The following PTPN22 variants were observed in gnomAD, a reference collection of about 807,000 sequenced individuals.
PTPN22 encodes protein tyrosine phosphatase non-receptor type 22.
A neutral mutation model predicts 103.3 loss-of-function variants in PTPN22; 85 were observed. The ratio of observed to expected loss-of-function variants is 0.82; its 90% CI spans 0.69 to 0.99. PTPN22 has a LOEUF of 0.99. Ranked by LOEUF, PTPN22 falls within the 50% of genes least tolerant of loss-of-function variation. The pLI is 0.00. For missense variants in PTPN22, 865 were observed against 936.9 expected (o/e 0.92, Z 1.00); for synonymous variants, 323 against 310.2 (o/e 1.04, Z -0.43).
chr1:113,871,191 TA>T lies in PTPN22; in HGVS notation c.87+345del, dbSNP rs1481329120. 2.6e-5 allele frequency among the ~76,000 whole-genome samples: 4 copies of T among 152,320 alleles called. No homozygotes were observed. The East Asian group carries it at 7.7e-4, about 29-fold the overall frequency. ...TGGTCTCTTTCTTCTTAATATTAAT[TA>T]AAATTAGTAATATAAAGCATAAACC... On this transcript the variant is annotated intron_variant, in intron 1 of 20. Coordinates refer to ENST00000359785, the Ensembl canonical transcript of PTPN22.
At chr1:113,823,545 G>A (rs1024702117) in intron 19 of PTPN22, 3 of 152,160 alleles carry the variant, frequency 2.0e-5, no homozygotes, top group Admixed American at 2.0e-4. Context: ...GAATGAACTG[G>A]GAGCTCTTAC....
intron 14 of PTPN22, 25 bp from the exon 15 acceptor site, chr1:113,834,464 G>A: frequency 1.3e-6 from 2 of 1,599,408 alleles, no homozygotes; most frequent in Non-Finnish European, 8.6e-7. Context: ...ATATAGTTCG[G>A]TTCTTAAGAA....
In PTPN22 at chr1:113,854,503, T is replaced by C; in HGVS notation, c.718A>G (p.Ile240Val). 1.9e-6 allele frequency: 3 copies of C among 1,613,990 alleles called. No homozygotes were observed. The highest frequency in any genetic ancestry group is 1.6e-4 in the Middle Eastern group (1 of 6,062). ...TTTAGCAACATCCATGTATAATCAA[T>C]AGCACAAATAACACCAGTCCTTCCA... The change falls in exon 9 of 21, where the codon ATT (isoleucine) becomes GTT (valine). Residue 240 changes from isoleucine to valine, a missense_variant. Physicochemically the swap from Ile to Val is conservative, Grantham distance 29. Transcript: ENST00000359785.
intron 1 of PTPN22, among the ~76,000 whole-genome samples, chr1:113,867,656 T>A (rs1666227501): frequency 6.6e-6 from 1 of 152,196 alleles, no homozygotes; most frequent in East Asian, 1.9e-4. Flanking sequence ...ATTCCTAGCA[T>A]CTAGGGCATT....
intron 11 of PTPN22, among the ~76,000 whole-genome samples, chr1:113,839,112 T>C (rs978492568): frequency 6.6e-6 from 1 of 152,166 alleles, no homozygotes; most frequent in Non-Finnish European, 1.5e-5. Flanking sequence ...CTGATTAATA[T>C]ATTTTTGCTC....
chr1:113,853,859 CTTTTTTT>C (rs894010114), intron 9 of PTPN22, among the ~76,000 whole-genome samples: 30 of 67,168 alleles, frequency 4.5e-4, no homozygotes, highest in Admixed American at 8.7e-4. Flanking sequence ...TTTTTTTTTG[CTTTTTTT>C]TTTTTTTTTT....
chr1:113,850,475 GTA>G (rs1051673953), intron 10 of PTPN22, among the ~76,000 whole-genome samples: 5 of 152,112 alleles, frequency 3.3e-5, no homozygotes, highest in African/African-American at 1.2e-4. Context: ...TTGAAATGGG[GTA>G]TAGTTTTATT....
intron 18 of PTPN22, chr1:113,829,298 A>T: frequency 5.5e-6 from 1 of 180,360 alleles, no homozygotes; most frequent in Non-Finnish European, 1.1e-5. Context: ...CCAGTTTGTT[A>T]TGTAGGTAAA....
At chr1:113,825,047 T>A in intron 19 of PTPN22, 95 bp downstream of exon 19, 1 of 859,278 alleles carries the variant, frequency 1.2e-6, no homozygotes, top group Non-Finnish European at 1.8e-6. Flanking sequence ...TGTTTAGGAA[T>A]AATATTGTTA....
intron 11 of PTPN22, among the ~76,000 whole-genome samples, chr1:113,839,826 T>C (rs75174785): frequency 6.6e-6 from 1 of 152,292 alleles, no homozygotes; most frequent in Non-Finnish European, 1.5e-5. Context: ...TGCCAACTTT[T>C]ACCACTTCTA....
At chr1:113,814,004 T>C (rs907787631) in exon 21 of PTPN22, 1 of 152,262 alleles carries the variant, frequency 6.6e-6, no homozygotes, top group African/African-American at 2.4e-5. Context: ...ATATTTTTAA[T>C]GCATTAGGGG....
intron 1 of PTPN22, among the ~76,000 whole-genome samples, chr1:113,870,895 T>C (rs1240768685): frequency 6.6e-6 from 1 of 152,120 alleles, no homozygotes; most frequent in Non-Finnish European, 1.5e-5. Context: ...TAGCCAGGCA[T>C]GGCGATACAC....
At chr1:113,856,059 G>A (rs1025643346) in intron 7 of PTPN22, among the ~76,000 whole-genome samples, 1 of 152,022 alleles carries the variant, frequency 6.6e-6, no homozygotes, top group Admixed American at 6.5e-5. Flanking sequence ...TGTCACCCAG[G>A]CTGCAGTACA....
At chr1:113,831,995 C>T (rs768613309) in intron 16 of PTPN22, among the ~76,000 whole-genome samples, 22 of 152,070 alleles carry the variant, frequency 1.4e-4, no homozygotes, top group Admixed American at 2.6e-4. Context: ...ACAAGTACTA[C>T]GCTAAAAGCT....
At chr1:113,855,503 C>CAAAAAAA (rs58516952) in intron 7 of PTPN22, among the ~76,000 whole-genome samples, 2 of 84,430 alleles carry the variant, frequency 2.4e-5, no homozygotes, top group African/African-American at 4.9e-5. Flanking sequence ...GACTCTGTCT[C>CAAAAAAA]AAAAAAAAAA....
intron 7 of PTPN22, among the ~76,000 whole-genome samples, chr1:113,855,633 C>A (rs1481080803): frequency 6.6e-6 from 1 of 152,058 alleles, no homozygotes; most frequent in East Asian, 1.9e-4. Context: ...GTATCTATAT[C>A]CTTTTTGAAA....
At chr1:113,846,292 C>A (rs1664041464) in intron 11 of PTPN22, among the ~76,000 whole-genome samples, 1 of 151,702 alleles carries the variant, frequency 6.6e-6, no homozygotes, top group African/African-American at 2.4e-5. Flanking sequence ...TATTATATCT[C>A]TTTGTATAGC....
chr1:113,819,698 A>G, intron 19 of PTPN22, 44 bp from the exon 20 acceptor site: 1 of 1,308,076 alleles, frequency 7.6e-7, no homozygotes, highest in African/African-American at 1.5e-5. Flanking sequence ...CTAAAGACAG[A>G]CTCAGATGAC....
At chr1:113,869,022 G>A (rs935356426) in intron 1 of PTPN22, among the ~76,000 whole-genome samples, 2 of 152,086 alleles carry the variant, frequency 1.3e-5, no homozygotes, top group Non-Finnish European at 2.9e-5. Context: ...GGACAGACCA[G>A]CCTGGCCAAC....
Sources: gnomAD v4.1 joint callset for allele counts (sites outside exome capture counted in the v4.1 genomes callset) on GRCh38, gnomAD v4.1.1 for gene constraint, MANE v1.5 for transcripts, NCBI Gene and HGNC (gene_info 2026-07-23, HGNC 2026-07-21) for gene names.